The following SDK1 variants were observed in gnomAD, a reference collection of about 807,000 sequenced individuals.
SDK1 encodes sidekick cell adhesion molecule 1.
In SDK1, 157 loss-of-function variants were observed where a neutral mutation model predicts 245.5. That is an observed-to-expected ratio of 0.64 (90% CI 0.56 to 0.73). The LOEUF (loss-of-function observed/expected upper bound fraction) is 0.73. SDK1 is among the 30% of genes least tolerant of loss of function. The pLI is 0.00. For missense variants in SDK1, 3,583 were observed against 3,002.3 expected (o/e 1.19, Z -4.52); for synonymous variants, 1,647 against 1,278.5 (o/e 1.29, Z -6.15).
intron 13 of SDK1, among the ~76,000 whole-genome samples, chr7:3,981,584 A>T (rs1321681313): frequency 6.6e-6 from 1 of 152,252 alleles, no homozygotes; most frequent in African/African-American, 2.4e-5. Flanking sequence ...AGGACATTTA[A>T]AGTGCTCCAG....
At chr7:3,946,616 C>G (rs77054312) in intron 5 of SDK1, among the ~76,000 whole-genome samples, 7,654 of 152,140 alleles carry the variant, frequency 0.05, 635 homozygotes, top group African/African-American at 0.17. Flanking sequence ...TAAGCCTGGC[C>G]AAAAATCATT....
chr7:4,184,379 G>A (rs1217833608), intron 35 of SDK1, among the ~76,000 whole-genome samples: 1 of 152,190 alleles, frequency 6.6e-6, no homozygotes, highest in Non-Finnish European at 1.5e-5. Context: ...ACCTTGTGCT[G>A]CTGTGGGGAG....
At chr7:3,628,532 G>A (rs1425647081) in intron 2 of SDK1, among the ~76,000 whole-genome samples, 2 of 152,072 alleles carry the variant, frequency 1.3e-5, no homozygotes, top group South Asian at 2.1e-4. Context: ...GGCTACTAGA[G>A]ACTCCCCACA....
chr7:3,338,670 G>A, intron 1 of SDK1: 1 of 177,546 alleles, frequency 5.6e-6, no homozygotes, highest in Non-Finnish European at 1.2e-5. Context: ...TCTGGACTGT[G>A]TTTAAAGAAA....
intron 1 of SDK1, among the ~76,000 whole-genome samples, chr7:3,312,865 C>T (rs1382986190): frequency 1.3e-5 from 2 of 152,092 alleles, no homozygotes; most frequent in East Asian, 3.9e-4. Context: ...ACAAGTTCTG[C>T]CTGAGCTCTT....
intron 1 of SDK1, among the ~76,000 whole-genome samples, chr7:3,583,191 C>G (rs992302906): frequency 1.3e-5 from 2 of 152,156 alleles, no homozygotes; most frequent in Admixed American, 6.5e-5. Context: ...TTACAGCTCT[C>G]GGGCTAATGA....
chr7:4,080,187 G>A (rs1262702975), intron 22 of SDK1, among the ~76,000 whole-genome samples: 2 of 152,096 alleles, frequency 1.3e-5, no homozygotes, highest in African/African-American at 4.8e-5. Flanking sequence ...CAGGGAGTGA[G>A]TCTGGGGAGA....
At chr7:4,252,391 C>A (rs993376636) in intron 44 of SDK1, among the ~76,000 whole-genome samples, 1 of 152,132 alleles carries the variant, frequency 6.6e-6, no homozygotes, top group South Asian at 2.1e-4. Context: ...ATGAATTCAT[C>A]ATTTTTTATG....
intron 5 of SDK1, among the ~76,000 whole-genome samples, chr7:3,834,461 T>G (rs1270340072): frequency 6.6e-6 from 1 of 152,206 alleles, no homozygotes; most frequent in Non-Finnish European, 1.5e-5. Flanking sequence ...TGAATTCTGC[T>G]TCCGATGCTG....
At chr7:3,498,873 C>T (rs1676441765) in intron 1 of SDK1, among the ~76,000 whole-genome samples, 1 of 151,986 alleles carries the variant, frequency 6.6e-6, no homozygotes, top group African/African-American at 2.4e-5. Context: ...AAAGGCATTT[C>T]TTATCCTGCT....
rs567870613 is a variant in SDK1, at chr7:4,239,652, C to T, written c.6130+1868C>T. Among the ~76,000 whole-genome samples, 25 of 152,288 alleles carry T rather than the reference C, an allele frequency of 1.6e-4. No individual in the cohort carries two copies. In the South Asian group the frequency reaches 3.7e-3, roughly 23 times the overall value. ...GTGCTGGGATTACAGGAGTGAGCCA[C>T]GCACGGCGCCCGGCCTATGGCCTGT... On this transcript the variant is annotated intron_variant, in intron 42 of 44. Transcript: ENST00000404826.
chr7:4,257,110 T>C (rs1426701924), intron 44 of SDK1, among the ~76,000 whole-genome samples: 1 of 152,224 alleles, frequency 6.6e-6, no homozygotes, highest in Non-Finnish European at 1.5e-5. Context: ...AAGATTGTTT[T>C]CGAAATCCAA....
intron 4 of SDK1, among the ~76,000 whole-genome samples, chr7:3,714,463 G>A (rs536289928): frequency 1.3e-5 from 2 of 152,204 alleles, no homozygotes; most frequent in East Asian, 3.9e-4. Context: ...CAGAGTCTCA[G>A]TTTCCTCTTA....
chr7:3,947,791 T>C (rs1780638347), intron 5 of SDK1, among the ~76,000 whole-genome samples: 2 of 152,030 alleles, frequency 1.3e-5, no homozygotes, highest in African/African-American at 4.8e-5. Context: ...AAAGCTCATC[T>C]GTTGTAGCAG....
Position 3,762,319 on chromosome 7 carries a change from C to T in SDK1, c.714-59131C>T, listed in dbSNP as rs561363106. 5.9e-5 allele frequency among the ~76,000 whole-genome samples: 9 copies of T among 152,274 alleles called. No homozygotes were observed. In the South Asian group the frequency reaches 1.9e-3, roughly 32 times the overall value. ...TGGCATTTGTGGAGAGGACAGAAAA[C>T]AGACTGCACCTGCTGCAGCGCTTGG... On this transcript the variant is annotated intron_variant, in intron 4 of 44. Coordinates refer to ENST00000404826, the MANE Select transcript of SDK1 (RefSeq NM_152744.4).
intron 29 of SDK1, among the ~76,000 whole-genome samples, chr7:4,147,448 G>A (rs556824966): frequency 2.6e-5 from 4 of 151,990 alleles, no homozygotes; most frequent in Non-Finnish European, 5.9e-5. Flanking sequence ...TTTAATTTTT[G>A]TAGAGATGGG....
chr7:4,257,460 A>T (rs1375971964), intron 44 of SDK1, among the ~76,000 whole-genome samples: 1 of 152,248 alleles, frequency 6.6e-6, no homozygotes, highest in Non-Finnish European at 1.5e-5. Context: ...CCCCATTAAA[A>T]AATAATAATG....
rs1781995642 is a variant in SDK1, at chr7:4,173,721, G to C, written c.4801-501G>C. On this transcript the variant is annotated intron_variant, in intron 32 of 44. Coordinates refer to ENST00000404826, the MANE Select transcript of SDK1 (RefSeq NM_152744.4). ...GGGGCCATGGGGATTCCAGCCTGAGGACTGAGTCCGGCACAGTGGGGTGGC... is the reference window on the plus strand; with the variant it reads ...GGGGCCATGGGGATTCCAGCCTGAGCACTGAGTCCGGCACAGTGGGGTGGC... 3.3e-5 allele frequency among the ~76,000 whole-genome samples: 5 copies of C among 152,324 alleles called. No homozygotes were observed. In the South Asian group the frequency reaches 6.2e-4, roughly 19 times the overall value.
intron 4 of SDK1, among the ~76,000 whole-genome samples, chr7:3,685,962 A>G (rs1426582742): frequency 1.3e-5 from 2 of 152,320 alleles, no homozygotes; most frequent in African/African-American, 4.8e-5. Flanking sequence ...GATTTATAGA[A>G]TGAATGAAAA....
Sources: gnomAD v4.1 joint callset for allele counts (sites outside exome capture counted in the v4.1 genomes callset) on GRCh38, gnomAD v4.1.1 for gene constraint, MANE v1.5 for transcripts, NCBI Gene and HGNC (gene_info 2026-07-23, HGNC 2026-07-21) for gene names.